Variants in SIPA1L1 observed in about 807,000 individuals in gnomAD.
SIPA1L1 encodes the protein signal induced proliferation associated 1 like 1.
In SIPA1L1, 26 loss-of-function variants were observed where a neutral mutation model predicts 162.7. The ratio of observed to expected loss-of-function variants is 0.16; its 90% CI spans 0.12 to 0.22. The LOEUF is 0.22. Ranked by LOEUF, SIPA1L1 falls within the 10% of genes least tolerant of loss-of-function variation. The pLI, the probability that SIPA1L1 is intolerant of heterozygous loss-of-function variation, is 1.00. For missense variants in SIPA1L1, 1,874 were observed against 2,241.0 expected (o/e 0.84, Z 3.31); for synonymous variants, 829 against 837.4 (o/e 0.99, Z 0.17).
chr14:71,501,055 T>A (rs929115159), intron 2 of SIPA1L1, among the ~76,000 whole-genome samples: 4 of 152,200 alleles, frequency 2.6e-5, no homozygotes, highest in Non-Finnish European at 5.9e-5. Context: ...GTGCAGCGGC[T>A]CAGGCCTGTA....
At chr14:71,637,887 A>G (rs367729697) in intron 7 of SIPA1L1, among the ~76,000 whole-genome samples, 2 of 152,196 alleles carry the variant, frequency 1.3e-5, no homozygotes, top group African/African-American at 4.8e-5. Flanking sequence ...ATGAAATTAG[A>G]TATTACCACC....
chr14:71,498,212 A>G (rs2049940409), intron 2 of SIPA1L1, among the ~76,000 whole-genome samples: 1 of 152,198 alleles, frequency 6.6e-6, no homozygotes, highest in South Asian at 2.1e-4. Context: ...TACACTTAAA[A>G]ATACAATCTT....
At chr14:71,399,257 A>G (rs2041473634) in intron 2 of SIPA1L1, among the ~76,000 whole-genome samples, 1 of 152,196 alleles carries the variant, frequency 6.6e-6, no homozygotes, top group South Asian at 2.1e-4. Context: ...AGAGGGAGGC[A>G]GTTGATGATG....
chr14:71,387,911 A>G (rs903900405), intron 2 of SIPA1L1, among the ~76,000 whole-genome samples: 6 of 152,250 alleles, frequency 3.9e-5, no homozygotes, highest in Admixed American at 6.5e-5. Context: ...TCAATTTGTT[A>G]TGCTAAAGAT....
intron 2 of SIPA1L1, among the ~76,000 whole-genome samples, chr14:71,390,850 C>T (rs1016802166): frequency 1.3e-5 from 2 of 152,088 alleles, no homozygotes; most frequent in Non-Finnish European, 2.9e-5. Flanking sequence ...CCTTCCTCCA[C>T]GACACCTTTT....
chr14:71,544,350 C>CATAT (rs2054973689), intron 4 of SIPA1L1, among the ~76,000 whole-genome samples: 2 of 150,914 alleles, frequency 1.3e-5, no homozygotes, highest in African/African-American at 4.9e-5. Context: ...TGTGTATATA[C>CATAT]ATGTATCATA....
chr14:71,684,200 A>G lies in SIPA1L1; in HGVS notation c.3105-1162A>G, dbSNP rs1361528382. The stretch of plus-strand genomic sequence containing the variant: ...TTGCTCCTTCTGAGCACATGCTCCA[A>G]AAGTGGCACTTTCCAACAACAAAAA... On this transcript the variant is annotated intron_variant, in intron 12 of 23. Transcript: ENST00000381232. 3.9e-5 allele frequency among the ~76,000 whole-genome samples: 6 copies of G among 152,358 alleles called. No individual in the cohort carries two copies. The East Asian group carries it at 1.2e-3, about 29-fold the overall frequency.
At chr14:71,538,396 A>G (rs1409078102) in intron 4 of SIPA1L1, among the ~76,000 whole-genome samples, 6 of 152,202 alleles carry the variant, frequency 3.9e-5, no homozygotes, top group African/African-American at 1.2e-4. Context: ...GCTTGGAATA[A>G]TTGCTTTAGG....
intron 14 of SIPA1L1, 130 bp downstream of exon 14, chr14:71,699,257 T>A: frequency 1.1e-6 from 1 of 881,272 alleles, no homozygotes; most frequent in Non-Finnish European, 1.7e-6. Context: ...AGAGAAAACG[T>A]AGTTAATAAT....
chr14:71,433,549 T>G (rs188695488), intron 2 of SIPA1L1, among the ~76,000 whole-genome samples: 12 of 152,266 alleles, frequency 7.9e-5, no homozygotes, highest in Middle Eastern at 3.4e-3. Flanking sequence ...ACTCTTGAGC[T>G]CAAGGGATCC....
intron 2 of SIPA1L1, among the ~76,000 whole-genome samples, chr14:71,378,072 A>G (rs2141135568): frequency 6.6e-6 from 1 of 151,242 alleles, no homozygotes; most frequent in Non-Finnish European, 1.5e-5. Context: ...TTGGTTTTGT[A>G]TTTCCATTTC....
intron 2 of SIPA1L1, among the ~76,000 whole-genome samples, chr14:71,460,583 A>C (rs1260518533): frequency 6.6e-6 from 1 of 152,140 alleles, no homozygotes; most frequent in East Asian, 1.9e-4. Context: ...GGCAATCTCA[A>C]CTTCCAGTTT....
intron 5 of SIPA1L1, among the ~76,000 whole-genome samples, chr14:71,610,035 G>A (rs1046756021): frequency 1.3e-5 from 2 of 152,122 alleles, no homozygotes; most frequent in South Asian, 4.1e-4. Flanking sequence ...AAAAGACCTG[G>A]CAGCAGCTCT....
chr14:71,645,336 A>G (rs2042066022), intron 7 of SIPA1L1, among the ~76,000 whole-genome samples: 1 of 152,086 alleles, frequency 6.6e-6, no homozygotes, highest in Non-Finnish European at 1.5e-5. Context: ...GCTCCCCTTT[A>G]CCATTAACAT....
At chr14:71,475,907 A>G (rs1170375911) in intron 2 of SIPA1L1, among the ~76,000 whole-genome samples, 2 of 152,206 alleles carry the variant, frequency 1.3e-5, no homozygotes, top group African/African-American at 4.8e-5. Flanking sequence ...TTATTTTATC[A>G]TAGCATTTTG....
chr14:71,333,409 G>A (rs1025205032), intron 2 of SIPA1L1, among the ~76,000 whole-genome samples: 3 of 152,134 alleles, frequency 2.0e-5, no homozygotes, highest in African/African-American at 4.8e-5. Flanking sequence ...GAGATTTCAT[G>A]GCTTTATAAA....
intron 4 of SIPA1L1, among the ~76,000 whole-genome samples, chr14:71,561,676 C>T (rs998547278): frequency 1.3e-5 from 2 of 152,244 alleles, no homozygotes; most frequent in African/African-American, 2.4e-5. Context: ...CAAACTCCTC[C>T]TCCTGGGTTC....
chr14:71,714,696 C>T (rs999891231), intron 17 of SIPA1L1, among the ~76,000 whole-genome samples: 1 of 152,092 alleles, frequency 6.6e-6, no homozygotes, highest in African/African-American at 2.4e-5. Context: ...ATCCTCCCAC[C>T]TTAGCCTCCT....
chr14:71,723,876 G>A lies in SIPA1L1; in HGVS notation c.4438G>A (p.Asp1480Asn), dbSNP rs1304690354. 1.2e-6 allele frequency: 2 copies of A among 1,614,148 alleles called. No homozygotes were observed. The highest frequency in any genetic ancestry group is 1.7e-6 in the Non-Finnish European group (2 of 1,180,028). ...EGTINSVGFMDTRKRHQSDGN... is the reference protein window; with the variant it reads ...EGTINSVGFMNTRKRHQSDGN... ...AACCATAAACTCCGTGGGATTTATG[G>A]ACACGAGAAAGTAAGAGTTACTTTC... Residue 1480 changes from aspartate to asparagine, a missense_variant, in exon 18 of 24, where the codon GAC becomes AAC. Transcript: ENST00000381232.
Sources: allele counts gnomAD v4.1 joint callset (sites outside exome capture counted in the v4.1 genomes callset), GRCh38; gene constraint gnomAD v4.1.1; transcripts MANE v1.5; gene names NCBI Gene and HGNC (gene_info 2026-07-23, HGNC 2026-07-21).